The following ZDHHC2 variants were observed in gnomAD, a reference collection of about 807,000 sequenced individuals.
The protein encoded by ZDHHC2 is zDHHC palmitoyltransferase 2.
In ZDHHC2, 51 loss-of-function variants were observed where a neutral mutation model predicts 55.6. The observed-to-expected ratio is 0.92, with a 90% CI of 0.73 to 1.16. ZDHHC2 has a LOEUF of 1.16. ZDHHC2 is among the 50% of genes most tolerant of loss of function. The pLI, the probability that ZDHHC2 is intolerant of heterozygous loss-of-function variation, is 0.00. For synonymous variants in ZDHHC2, 199 were observed against 152.9 expected (o/e 1.30, Z -2.22); for missense variants, 491 against 442.4 (o/e 1.11, Z -0.99).
chr8:17,185,389 G>T lies in ZDHHC2; in HGVS notation c.157+574G>T, dbSNP rs183237799. Among the ~76,000 whole-genome samples the T allele has an allele frequency of 2.9e-3, 435 of 152,214 alleles. 15 individuals are homozygous for T. The highest frequency in any genetic ancestry group is 0.026 in the Admixed American group (394 of 15,294). On this transcript the variant is annotated intron_variant, in intron 2 of 12. Transcript: ENST00000262096. ...TTTAAAATTTGGGCCGGGCACAGTG[G>T]CTCATGCCTGTAATCTCAGCACCTT... is the stretch of plus-strand genomic sequence containing the variant.
intron 3 of ZDHHC2, among the ~76,000 whole-genome samples, chr8:17,187,593 C>T (rs986213467): frequency 2.0e-5 from 3 of 152,036 alleles, no homozygotes; most frequent in Admixed American, 2.0e-4. Flanking sequence ...TGTTTTTCTT[C>T]TATTCTCCAC....
At chr8:17,168,236 C>G (rs184959852) in intron 1 of ZDHHC2, among the ~76,000 whole-genome samples, 4 of 152,282 alleles carry the variant, frequency 2.6e-5, no homozygotes, top group East Asian at 1.9e-4. Context: ...CACTGAGAAT[C>G]TGGGGAAACT....
chr8:17,198,843 C>G (rs1339460672), intron 6 of ZDHHC2, among the ~76,000 whole-genome samples: 2 of 152,136 alleles, frequency 1.3e-5, no homozygotes, highest in Non-Finnish European at 2.9e-5. Context: ...GAGTAGAATA[C>G]AACTACACAG....
At chr8:17,176,328 C>T (rs914036162) in intron 1 of ZDHHC2, among the ~76,000 whole-genome samples, 34 of 151,982 alleles carry the variant, frequency 2.2e-4, no homozygotes, top group Non-Finnish European at 4.3e-4. Flanking sequence ...TTTGCACCAT[C>T]GAAGACTTAT....
chr8:17,172,147 A>G (rs961088614), intron 1 of ZDHHC2, among the ~76,000 whole-genome samples: 3 of 152,062 alleles, frequency 2.0e-5, no homozygotes, highest in Non-Finnish European at 2.9e-5. Context: ...TCCTGTATCC[A>G]TTTATCCTTT....
chr8:17,209,688 A>G (rs947185223), intron 8 of ZDHHC2, among the ~76,000 whole-genome samples: 1 of 152,176 alleles, frequency 6.6e-6, no homozygotes, highest in Non-Finnish European at 1.5e-5. Context: ...CTGATTTTCT[A>G]CAATGCACAT....
intron 4 of ZDHHC2, 135 bp downstream of exon 4, chr8:17,195,759 T>A: frequency 8.2e-7 from 1 of 1,216,994 alleles, no homozygotes; most frequent in African/African-American, 1.5e-5. Flanking sequence ...GGATTGCTGT[T>A]AAATCTTTCC....
chr8:17,224,098 A>G lies in ZDHHC2; in HGVS notation c.*3877A>G, dbSNP rs1808027615. On this transcript the variant is annotated 3_prime_UTR_variant, in exon 13 of 13. Coordinates refer to ENST00000262096, the MANE Select transcript of ZDHHC2 (RefSeq NM_016353.5). The stretch of plus-strand genomic sequence containing the variant: ...GCAAAGAACTATGATGATGCAGTCC[A>G]GGTATCTAATAGCTCAATCACCAAC... 6.6e-6 allele frequency: 1 copy of G among 151,652 alleles called. No homozygotes were observed. Among genetic ancestry groups the G allele is most frequent in the Non-Finnish European group, 1.5e-5 (1 of 67,694 alleles). 9.4% of individuals were successfully genotyped at this position (151,652 alleles called of 1,614,324 possible).
Position 17,156,772 on chromosome 8 carries a change from G to A in ZDHHC2, c.49G>A (p.Val17Met). ...GSSARRRCRR[V>M]LYWIPVVFIT... ...CAGCGCCAGGCGGCGGTGCCGGCGG[G>A]TGCTGTACTGGATCCCGGTGGTGTT... Residue 17 changes from valine (V) to methionine (M), a missense_variant, in exon 1 of 13, where the codon GTG becomes ATG. Transcript: ENST00000262096. 1 of 1,516,810 alleles carries A rather than the reference G, an allele frequency of 6.6e-7. No homozygotes were observed. The highest frequency in any genetic ancestry group is 8.8e-7 in the Non-Finnish European group (1 of 1,131,100). The allele number at this position is 1,516,810 out of a possible 1,614,324, so 94.0% of individuals were successfully genotyped here.
At chr8:17,195,461 A>G (rs748735491) in intron 3 of ZDHHC2, 43 bp from the exon 4 acceptor site, 3 of 1,572,296 alleles carry the variant, frequency 1.9e-6, no homozygotes, top group African/African-American at 2.7e-5. Context: ...ATATGTTATA[A>G]TTTCTTTGAA....
At chr8:17,159,514 G>T (rs992569749) in intron 1 of ZDHHC2, among the ~76,000 whole-genome samples, 2 of 152,074 alleles carry the variant, frequency 1.3e-5, no homozygotes, top group African/African-American at 4.8e-5. Context: ...GCTTATCCTG[G>T]TATCCTTGGA....
At chr8:17,163,979 C>G (rs1804481403) in intron 1 of ZDHHC2, among the ~76,000 whole-genome samples, 1 of 151,994 alleles carries the variant, frequency 6.6e-6, no homozygotes, top group South Asian at 2.1e-4. Flanking sequence ...TTATAATTGT[C>G]TTGATTGTTG....
At chr8:17,176,313 C>G (rs980750237) in intron 1 of ZDHHC2, among the ~76,000 whole-genome samples, 37 of 152,000 alleles carry the variant, frequency 2.4e-4, no homozygotes, top group African/African-American at 8.2e-4. Flanking sequence ...GTTTGGAATT[C>G]AAGTTTTGCA....
At chr8:17,202,734 T>TACAC (rs61412744) in intron 6 of ZDHHC2, among the ~76,000 whole-genome samples, 10,920 of 149,646 alleles carry the variant, frequency 0.073, 1,393 homozygotes, top group African/African-American at 0.25. Flanking sequence ...TATATATATA[T>TACAC]ACACACACAC....
At chr8:17,189,383 A>T (rs1209692477) in intron 3 of ZDHHC2, among the ~76,000 whole-genome samples, 1 of 152,122 alleles carries the variant, frequency 6.6e-6, no homozygotes, top group Non-Finnish European at 1.5e-5. Context: ...TTATTTGTTG[A>T]ATACTTTTGA....
intron 11 of ZDHHC2, among the ~76,000 whole-genome samples, chr8:17,216,574 T>TG (rs997138429): frequency 1.6e-4 from 25 of 152,280 alleles, no homozygotes; most frequent in African/African-American, 6.0e-4. Flanking sequence ...GATAAATAGT[T>TG]GGGGGTCAAT....
intron 1 of ZDHHC2, among the ~76,000 whole-genome samples, chr8:17,158,618 A>G (rs1333536784): frequency 6.6e-6 from 1 of 152,238 alleles, no homozygotes; most frequent in Non-Finnish European, 1.5e-5. Context: ...TCTGAATCGT[A>G]TGTTTATATG....
At chr8:17,188,927 T>C (rs1285248873) in intron 3 of ZDHHC2, among the ~76,000 whole-genome samples, 1 of 152,112 alleles carries the variant, frequency 6.6e-6, no homozygotes, top group African/African-American at 2.4e-5. Flanking sequence ...GGCTACTCTT[T>C]TTCTCTCGGA....
At chr8:17,192,048 A>G (rs996253959) in intron 3 of ZDHHC2, among the ~76,000 whole-genome samples, 2 of 152,160 alleles carry the variant, frequency 1.3e-5, no homozygotes, top group African/African-American at 4.8e-5. Flanking sequence ...CAGTGCTGCA[A>G]TCACAGCTCA....
Sources: allele counts gnomAD v4.1 joint callset (sites outside exome capture counted in the v4.1 genomes callset), GRCh38; gene constraint gnomAD v4.1.1; transcripts MANE v1.5; gene names NCBI Gene and HGNC (gene_info 2026-07-23, HGNC 2026-07-21).